RANBP17: variants seen among roughly 807,000 people sequenced by gnomAD.
RANBP17 encodes the protein ran-binding protein 17.
RANBP17 carries 158 observed loss-of-function variants against 141.2 expected under a neutral mutation model. The observed-to-expected ratio is 1.12, with a 90% CI of 0.98 to 1.28. The LOEUF (loss-of-function observed/expected upper bound fraction) is 1.28. Ranked by LOEUF, RANBP17 falls within the 50% of genes most tolerant of loss-of-function variation. The pLI is 0.00. For missense variants in RANBP17, 1,438 were observed against 1,290.7 expected, an observed-to-expected ratio of 1.11 and a Z score of -1.75; for synonymous variants, 430 against 450.0, an observed-to-expected ratio of 0.96 and a Z score of 0.56.
intron 12 of RANBP17, among the ~76,000 whole-genome samples, chr5:170,942,003 C>T (rs992771681): frequency 1.1e-4 from 16 of 152,146 alleles, no homozygotes; most frequent in African/African-American, 3.9e-4. Flanking sequence ...CAGCAGGAGG[C>T]GAGCGGCAGG....
In RANBP17 at chr5:171,193,640, C is replaced by G. The variant is rs62392990; in HGVS notation, c.2039-6030C>G. Among the ~76,000 whole-genome samples, 419 of 152,298 alleles carry G rather than the reference C, an allele frequency of 2.8e-3. 1 individual carries two copies. Among genetic ancestry groups the G allele is most frequent in the Non-Finnish European group, 4.3e-3 (290 of 68,014 alleles). ...GCAGGGCTCTAAGGAAGAATCTGTT[C>G]CTTTGCCTTTTGCGGCTTCTAGAGA... On this transcript the variant is annotated intron_variant, in intron 18 of 27. Coordinates refer to ENST00000523189, the MANE Select transcript of RANBP17 (RefSeq NM_022897.5).
intron 14 of RANBP17, among the ~76,000 whole-genome samples, chr5:171,108,671 A>C (rs371091592): frequency 6.6e-6 from 1 of 152,084 alleles, no homozygotes; most frequent in Non-Finnish European, 1.5e-5. Flanking sequence ...CTCTGCTTCC[A>C]AAAATGCTGG....
At chr5:171,086,146 C>T (rs1785632281) in intron 14 of RANBP17, among the ~76,000 whole-genome samples, 1 of 141,340 alleles carries the variant, frequency 7.1e-6, no homozygotes, top group Non-Finnish European at 1.5e-5. Context: ...CCATCAATAC[C>T]TAATTTATTG....
Position 171,213,728 on chromosome 5 carries a change from A to G in RANBP17, c.2329A>G (p.Met777Val), listed in dbSNP as rs1248091926. 10 of 1,611,076 alleles carry G rather than the reference A, an allele frequency of 6.2e-6. No homozygotes were observed. The East Asian group carries it at 1.8e-4, about 29-fold the overall frequency. Residue 777 changes from methionine (M) to valine (V), a missense_variant, in exon 21 of 28, where the codon ATG becomes GTG. Met to Val is a conservative substitution (Grantham distance 21). Transcript: ENST00000523189. Reference protein sequence around the residue: ...TPILKLMAELMQNRSQRLNFD... With the variant: ...TPILKLMAELVQNRSQRLNFD... ...CATCTTGAAACTTATGGCAGAACTT[A>G]TGCAAAACAGGTAAGCAGTGTGACA...
chr5:170,880,213 C>G (rs2127354081), intron 2 of RANBP17, among the ~76,000 whole-genome samples: 1 of 152,300 alleles, frequency 6.6e-6, no homozygotes, highest in Admixed American at 6.5e-5. Flanking sequence ...TCAGCATTGA[C>G]TTCTAGAATA....
At chr5:171,296,248 C>A (rs1768809510) in intron 27 of RANBP17, among the ~76,000 whole-genome samples, 1 of 151,970 alleles carries the variant, frequency 6.6e-6, no homozygotes, top group Middle Eastern at 3.4e-3. Context: ...TAGTCTCTGC[C>A]CTTAAGCAGT....
At chr5:171,136,005 T>C (rs1415829896) in intron 14 of RANBP17, among the ~76,000 whole-genome samples, 2 of 152,246 alleles carry the variant, frequency 1.3e-5, no homozygotes, top group Admixed American at 1.3e-4. Flanking sequence ...GATGTTCTTT[T>C]CTACATGTGA....
intron 14 of RANBP17, among the ~76,000 whole-genome samples, chr5:171,120,160 C>CAAATG (rs1026637513): frequency 6.6e-6 from 1 of 151,668 alleles, no homozygotes; most frequent in African/African-American, 2.4e-5. Flanking sequence ...TTCTTCCAAA[C>CAAATG]AAATGGAGTC....
chr5:171,134,931 A>G (rs1179706727), intron 14 of RANBP17, among the ~76,000 whole-genome samples: 1 of 151,874 alleles, frequency 6.6e-6, no homozygotes, highest in Non-Finnish European at 1.5e-5. Flanking sequence ...CAAATAAAAT[A>G]AAAATAAATT....
chr5:171,092,813 G>A (rs2591499), intron 14 of RANBP17, among the ~76,000 whole-genome samples: 94,817 of 152,012 alleles, frequency 0.62, 30,671 homozygotes, highest in South Asian at 0.88. Flanking sequence ...GCACTACAAG[G>A]AGCTTCTTAT....
chr5:171,250,286 T>C (rs1157300258), intron 24 of RANBP17, among the ~76,000 whole-genome samples: 1 of 152,134 alleles, frequency 6.6e-6, no homozygotes, highest in Non-Finnish European at 1.5e-5. Context: ...AAACAAAGGA[T>C]GACATTTACC....
At chr5:170,913,220 A>G (rs1197716459) in intron 7 of RANBP17, among the ~76,000 whole-genome samples, 1 of 152,044 alleles carries the variant, frequency 6.6e-6, no homozygotes, top group Non-Finnish European at 1.5e-5. Context: ...AGAAAGTGGA[A>G]GATAATGGAA....
chr5:171,292,569 A>G (rs867432744), intron 25 of RANBP17, among the ~76,000 whole-genome samples: 2 of 152,224 alleles, frequency 1.3e-5, no homozygotes, highest in Non-Finnish European at 2.9e-5. Context: ...ACCAAAGCCC[A>G]GTAAGGGATG....
intron 25 of RANBP17, chr5:171,271,075 C>CCTTTTTTTTTTTTTTTTTTTTTTTTTTT (rs1767076411): frequency 7.3e-5 from 2 of 27,540 alleles, no homozygotes; most frequent in Non-Finnish European, 6.8e-5. Context: ...TATGTTATTT[C>CCTTTTTTTTTTTTTTTTTTTTTTTTTTT]TTTTTTTTTT....
intron 18 of RANBP17, among the ~76,000 whole-genome samples, chr5:171,187,885 TTTTC>T (rs1275600126): frequency 6.6e-6 from 1 of 152,210 alleles, no homozygotes; most frequent in African/African-American, 2.4e-5. Context: ...AATAATACTT[TTTTC>T]TTTGTTTCTC....
chr5:171,126,204 T>C (rs999703237), intron 14 of RANBP17, among the ~76,000 whole-genome samples: 1 of 152,164 alleles, frequency 6.6e-6, no homozygotes, highest in African/African-American at 2.4e-5. Context: ...GTGTAAACAT[T>C]ATGCTCCTGA....
intron 22 of RANBP17, among the ~76,000 whole-genome samples, chr5:171,227,163 G>C (rs999515075): frequency 6.6e-6 from 1 of 152,200 alleles, no homozygotes; most frequent in Non-Finnish European, 1.5e-5. Context: ...AAATGATTAA[G>C]CTTAGCGAAG....
intron 14 of RANBP17, among the ~76,000 whole-genome samples, chr5:171,126,761 A>G (rs957306858): frequency 1.2e-4 from 18 of 152,284 alleles, no homozygotes; most frequent in African/African-American, 4.1e-4. Flanking sequence ...CAACTTACCA[A>G]AATTGACCCA....
At chr5:170,955,509 G>GTATATATATGCTCAGTCTGTGTATA (rs1775564644) in intron 13 of RANBP17, among the ~76,000 whole-genome samples, 6 of 99,854 alleles carry the variant, frequency 6.0e-5, no homozygotes, top group African/African-American at 1.1e-4. Flanking sequence ...ATATATATAT[G>GTATATATATGCTCAGTCTGTGTATA]TATATATATG....
Sources: gnomAD v4.1 joint callset for allele counts (sites outside exome capture counted in the v4.1 genomes callset) on GRCh38, gnomAD v4.1.1 for gene constraint, MANE v1.5 for transcripts, NCBI Gene and HGNC (gene_info 2026-07-23, HGNC 2026-07-21) for gene names.